Variants in PDE4D observed in about 807,000 individuals in gnomAD.
PDE4D encodes the protein phosphodiesterase 4D, also known as 3',5'-cyclic-AMP phosphodiesterase 4D.
In PDE4D, 24 loss-of-function variants were observed where a neutral mutation model predicts 87.4. That is an observed-to-expected ratio of 0.27 (90% CI 0.20 to 0.39). PDE4D has a LOEUF of 0.39. Ranked by LOEUF, PDE4D falls within the 10% of genes least tolerant of loss-of-function variation. PDE4D has a pLI of 1.00. For synonymous variants in PDE4D, 384 were observed against 383.2 expected (o/e 1.00, Z -0.02); for missense variants, 714 against 1,041.0 (o/e 0.69, Z 4.32).
At chr5:59,762,121 T>A (rs1024932855) in intron 1 of PDE4D, among the ~76,000 whole-genome samples, 2 of 151,950 alleles carry the variant, frequency 1.3e-5, no homozygotes, top group Non-Finnish European at 2.9e-5. Context: ...TGTGTGTATA[T>A]ATATGTAGGT....
chr5:59,297,437 T>G (rs1769305965), intron 1 of PDE4D, among the ~76,000 whole-genome samples: 2 of 152,188 alleles, frequency 1.3e-5, no homozygotes, highest in African/African-American at 2.4e-5. Context: ...TAAATACTAA[T>G]GTATAGATGA....
chr5:60,298,299 A>T (rs546561517), intron 1 of PDE4D, among the ~76,000 whole-genome samples: 1 of 152,092 alleles, frequency 6.6e-6, no homozygotes, highest in Admixed American at 6.6e-5. Context: ...TTACTAAAAG[A>T]TCAGAGAAGT....
At chr5:59,310,808 G>A (rs1386070146) in intron 1 of PDE4D, among the ~76,000 whole-genome samples, 1 of 152,126 alleles carries the variant, frequency 6.6e-6, no homozygotes, top group African/African-American at 2.4e-5. Flanking sequence ...GGATGACAAG[G>A]GGACTCAGAT....
chr5:60,108,581 G>C (rs1717178238), intron 2 of PDE4D, among the ~76,000 whole-genome samples: 1 of 152,114 alleles, frequency 6.6e-6, no homozygotes. Context: ...AACAAAGCTG[G>C]AGGCATCACG....
chr5:59,000,600 G>A (rs981982045), intron 6 of PDE4D, among the ~76,000 whole-genome samples: 2 of 152,080 alleles, frequency 1.3e-5, no homozygotes, highest in African/African-American at 4.8e-5. Flanking sequence ...CTGGGGGGAG[G>A]GAAATGTGAA....
At chr5:59,595,628 A>G (rs1216766329) in intron 1 of PDE4D, among the ~76,000 whole-genome samples, 1 of 152,154 alleles carries the variant, frequency 6.6e-6, no homozygotes, top group Non-Finnish European at 1.5e-5. Context: ...CCACTCTCAC[A>G]GGTTTACTGG....
At chr5:59,131,645 C>CACACACAT (rs60337924) in intron 5 of PDE4D, among the ~76,000 whole-genome samples, 2,863 of 146,278 alleles carry the variant, frequency 0.02, 115 homozygotes, top group African/African-American at 0.044. Context: ...CACACACACA[C>CACACACAT]ATTAATGAGA....
At chr5:59,710,332 G>T (rs1462602836) in intron 1 of PDE4D, among the ~76,000 whole-genome samples, 1 of 152,126 alleles carries the variant, frequency 6.6e-6, no homozygotes, top group Non-Finnish European at 1.5e-5. Flanking sequence ...ATAAAATATG[G>T]TGAAAGAATC....
chr5:59,131,348 A>C (rs13185996), intron 5 of PDE4D, among the ~76,000 whole-genome samples: 25,440 of 152,092 alleles, frequency 0.17, 2,183 homozygotes, highest in African/African-American at 0.19. Flanking sequence ...CACAAGTACC[A>C]GGTACTTTAT....
At chr5:59,584,897 G>A (rs1824844200) in intron 1 of PDE4D, among the ~76,000 whole-genome samples, 1 of 152,154 alleles carries the variant, frequency 6.6e-6, no homozygotes. Context: ...CTACGTGCCA[G>A]GAACTGTTTC....
intron 2 of PDE4D, among the ~76,000 whole-genome samples, chr5:60,076,579 T>C (rs961802059): frequency 2.6e-5 from 4 of 152,116 alleles, no homozygotes; most frequent in Non-Finnish European, 5.9e-5. Context: ...TTCTGGAAGA[T>C]TTTAGGGGAC....
intron 1 of PDE4D, among the ~76,000 whole-genome samples, chr5:59,647,274 A>C (rs1742622607): frequency 6.6e-6 from 1 of 152,164 alleles, no homozygotes; most frequent in South Asian, 2.1e-4. Flanking sequence ...ACTAAAGCCA[A>C]ATATAAAAAT....
At chr5:59,199,833 T>C (rs994504026) in intron 2 of PDE4D, among the ~76,000 whole-genome samples, 1 of 152,024 alleles carries the variant, frequency 6.6e-6, no homozygotes, top group Non-Finnish European at 1.5e-5. Context: ...TATGTGTGTG[T>C]ATGTGTATAT....
chr5:58,989,424 G>T (rs1294264278), intron 10 of PDE4D, among the ~76,000 whole-genome samples: 2 of 150,910 alleles, frequency 1.3e-5, no homozygotes, highest in Non-Finnish European at 3.0e-5. Flanking sequence ...ACGTTCTTTG[G>T]CCTATAAATA....
At chr5:60,208,545 C>G (rs1056212487) in intron 1 of PDE4D, among the ~76,000 whole-genome samples, 3 of 152,114 alleles carry the variant, frequency 2.0e-5, no homozygotes, top group Non-Finnish European at 4.4e-5. Flanking sequence ...ATGGCTCCCC[C>G]TTAGAGGTGT....
rs1051256158 is a variant in PDE4D at position 60,181,258 on chromosome 5, A to G, written c.42+4299T>C. Among the ~76,000 whole-genome samples the G allele has an allele frequency of 2.0e-5, 3 of 152,166 alleles. No homozygotes were observed. The East Asian group carries it at 5.8e-4, about 29-fold the overall frequency. ...TAAAGGTACAGATGGAAAAAAATAT[A>G]TATTTTCTTAAGAATAAAATCACTT... On this transcript the variant is annotated intron_variant, in intron 2 of 16. Coordinates refer to the PDE4D transcript ENST00000502484.
intron 1 of PDE4D, among the ~76,000 whole-genome samples, chr5:59,310,979 A>G (rs903672420): frequency 6.6e-6 from 1 of 152,174 alleles, no homozygotes; most frequent in African/African-American, 2.4e-5. Flanking sequence ...AATTTGAGAG[A>G]AAGGAAAACC....
intron 1 of PDE4D, among the ~76,000 whole-genome samples, chr5:60,426,588 A>G (rs1743740421): frequency 6.6e-6 from 1 of 152,196 alleles, no homozygotes; most frequent in African/African-American, 2.4e-5. Flanking sequence ...GTAAATGATG[A>G]GTTGATGGGT....
chr5:60,120,779 C>T (rs1302076703), intron 2 of PDE4D, among the ~76,000 whole-genome samples: 3 of 152,234 alleles, frequency 2.0e-5, no homozygotes, highest in Non-Finnish European at 2.9e-5. Context: ...GTTGGGTTGC[C>T]TAGTAATGGC....
Sources: allele counts gnomAD v4.1 joint callset (sites outside exome capture counted in the v4.1 genomes callset), GRCh38; gene constraint gnomAD v4.1.1; transcripts MANE v1.5; gene names NCBI Gene and HGNC (gene_info 2026-07-23, HGNC 2026-07-21).